The following VPS13B variants were observed in gnomAD, a reference collection of about 807,000 sequenced individuals.
The protein encoded by VPS13B is intermembrane lipid transfer protein VPS13B.
Under a neutral mutation model 426.4 loss-of-function variants are expected in VPS13B, and 285 were observed. That is an observed-to-expected ratio of 0.67 (90% confidence interval 0.61 to 0.74). The LOEUF (loss-of-function observed/expected upper bound fraction) is 0.74. Ranked by LOEUF, VPS13B falls within the 30% of genes least tolerant of loss-of-function variation. The pLI is 0.00. For missense variants in VPS13B, 4,537 were observed against 4,782.6 expected (o/e 0.95, Z 1.51); for synonymous variants, 1,676 against 1,676.4 (o/e 1.00, Z 0.01).
intron 50 of VPS13B, among the ~76,000 whole-genome samples, chr8:99,822,981 C>A (rs1370088423): frequency 6.6e-6 from 1 of 152,134 alleles, no homozygotes; most frequent in Non-Finnish European, 1.5e-5. Context: ...GCCCAGAGAT[C>A]CCCTGTGGGT....
intron 17 of VPS13B, among the ~76,000 whole-genome samples, chr8:99,207,870 G>T (rs752646835): frequency 6.6e-6 from 1 of 152,120 alleles, no homozygotes; most frequent in Non-Finnish European, 1.5e-5. Context: ...TTTGCAATCT[G>T]TTCAGTTCTG....
chr8:99,042,270 C>G (rs1842997037), intron 3 of VPS13B, among the ~76,000 whole-genome samples: 1 of 152,122 alleles, frequency 6.6e-6, no homozygotes, highest in African/African-American at 2.4e-5. Context: ...CCATCTTTCT[C>G]CTTTTTAGCT....
chr8:99,121,948 C>T (rs1389288270), intron 8 of VPS13B, among the ~76,000 whole-genome samples: 1 of 148,756 alleles, frequency 6.7e-6, no homozygotes, highest in Non-Finnish European at 1.5e-5. Flanking sequence ...GCCTCCCGGG[C>T]TCAAGACATC....
chr8:99,289,078 G>A (rs140488277), intron 19 of VPS13B, among the ~76,000 whole-genome samples: 26 of 144,732 alleles, frequency 1.8e-4, no homozygotes, highest in African/African-American at 6.4e-4. Flanking sequence ...AAGGAAGGAA[G>A]GAAGGAAAGA....
intron 12 of VPS13B, among the ~76,000 whole-genome samples, chr8:99,140,480 G>A (rs1810351526): frequency 6.6e-6 from 1 of 151,612 alleles, no homozygotes; most frequent in African/African-American, 2.4e-5. Context: ...TTATACTATG[G>A]CATATAAATA....
rs1188027202 is a variant in VPS13B at position 99,861,781 on chromosome 8, C to G, written c.11050C>G (p.Leu3684Val). The G allele has an allele frequency of 1.3e-6, 2 of 1,594,154 alleles. No individual in the cohort carries two copies. Among genetic ancestry groups the G allele is most frequent in the Non-Finnish European group, 1.7e-6 (2 of 1,170,318 alleles). The stretch of plus-strand genomic sequence containing the variant: ...CCATGCTCTTGTTCCCTCAGGTACC[C>G]TCACATCCATCACCAACCTCGCCAC... ...SFVKHISKGT[L>V]TSITNLATSL... Residue 3684 changes from leucine (L) to valine (V), a missense_variant, in exon 58 of 62, where the codon CTC (leucine) becomes GTC (valine). Leu to Val is a conservative substitution (Grantham distance 32). This residue lies in a region of VPS13B where 4,311 missense variants were observed against 4,474.3 expected (regional missense o/e 0.96). Transcript: ENST00000357162.
At chr8:99,424,315 A>G (rs1047114162) in intron 21 of VPS13B, 2 of 151,560 alleles carry the variant, frequency 1.3e-5, no homozygotes, top group African/African-American at 4.9e-5. Context: ...TCTGCACGTG[A>G]GATGGGTTTC....
chr8:99,586,894 T>G (rs1334551100), intron 33 of VPS13B, among the ~76,000 whole-genome samples: 1 of 152,176 alleles, frequency 6.6e-6, no homozygotes, highest in African/African-American at 2.4e-5. Context: ...TTCTTACATA[T>G]GTATACATGT....
intron 52 of VPS13B, among the ~76,000 whole-genome samples, chr8:99,834,236 A>G (rs192115991): frequency 0.01 from 1,547 of 152,328 alleles, 16 homozygotes; most frequent in Non-Finnish European, 0.016. Context: ...ATTCTATGTA[A>G]TTTAGGCTTC....
chr8:99,364,217 G>T (rs1207503390), intron 19 of VPS13B, among the ~76,000 whole-genome samples: 4 of 152,164 alleles, frequency 2.6e-5, no homozygotes, highest in Non-Finnish European at 5.9e-5. Flanking sequence ...CAGTTGAAAT[G>T]ATCATATGGT....
chr8:99,820,273 T>G (rs1814285467), intron 49 of VPS13B, 151 bp downstream of exon 49: 1 of 738,840 alleles, frequency 1.4e-6, no homozygotes, highest in African/African-American at 1.8e-5. Context: ...TCTTTGATAT[T>G]CAAGGACTTT....
chr8:99,034,299 G>T (rs1842642594), intron 2 of VPS13B, among the ~76,000 whole-genome samples: 1 of 152,184 alleles, frequency 6.6e-6, no homozygotes, highest in Non-Finnish European at 1.5e-5. Context: ...TTAGTCATCA[G>T]CCAGTGATTG....
chr8:99,167,127 A>G (rs1308100750), intron 15 of VPS13B, among the ~76,000 whole-genome samples: 1 of 152,186 alleles, frequency 6.6e-6, no homozygotes, highest in Admixed American at 6.5e-5. Context: ...CTGCATGTGA[A>G]ATGAGATGAT....
intron 17 of VPS13B, among the ~76,000 whole-genome samples, chr8:99,210,535 C>T (rs186129780): frequency 5.9e-5 from 9 of 152,018 alleles, no homozygotes; most frequent in Admixed American, 1.3e-4. Context: ...AGAACATTCT[C>T]GAAACTATAT....
chr8:99,685,078 G>A (rs374392267), intron 35 of VPS13B, among the ~76,000 whole-genome samples: 1 of 152,218 alleles, frequency 6.6e-6, no homozygotes, highest in Non-Finnish European at 1.5e-5. Context: ...TGGGATTACA[G>A]GTATGAGCCA....
intron 22 of VPS13B, among the ~76,000 whole-genome samples, chr8:99,439,665 A>G (rs570437314): frequency 6.6e-6 from 1 of 152,252 alleles, no homozygotes; most frequent in Non-Finnish European, 1.5e-5. Flanking sequence ...GGGAATAGGA[A>G]ATAGTTATGT....
chr8:99,568,086 G>A (rs1825272770), intron 31 of VPS13B, among the ~76,000 whole-genome samples: 2 of 152,054 alleles, frequency 1.3e-5, no homozygotes, highest in South Asian at 4.2e-4. Context: ...AACAAGTTGA[G>A]CACGTTTAAG....
chr8:99,580,984 A>AACACACACAC (rs34074519), intron 33 of VPS13B, among the ~76,000 whole-genome samples: 2,335 of 126,630 alleles, frequency 0.018, 46 homozygotes, highest in Non-Finnish European at 0.024. Context: ...ATCTCTACAA[A>AACACACACAC]ACACACACAC....
At chr8:99,621,458 T>C (rs962091728) in intron 33 of VPS13B, among the ~76,000 whole-genome samples, 1 of 152,218 alleles carries the variant, frequency 6.6e-6, no homozygotes, top group African/African-American at 2.4e-5. Flanking sequence ...GTTAAGAGTC[T>C]GCTCTGTTTT....
Sources: gnomAD v4.1 joint callset for allele counts (sites outside exome capture counted in the v4.1 genomes callset) on GRCh38, gnomAD v4.1.1 for gene constraint, gnomAD v4.1.1 regional missense constraint, MANE v1.5 for transcripts, NCBI Gene and HGNC (gene_info 2026-07-23, HGNC 2026-07-21) for gene names.